SLC26A7: variants seen among roughly 807,000 people sequenced by gnomAD.
SLC26A7 encodes solute carrier family 26 member 7, also known as anion exchange transporter.
In SLC26A7, 59 loss-of-function variants were observed where a neutral mutation model predicts 82.5. That is an observed-to-expected ratio of 0.72 (90% CI 0.58 to 0.89). The LOEUF (loss-of-function observed/expected upper bound fraction) is 0.89, where lower values mean the gene tolerates loss of function less well. Among genes scored for constraint, SLC26A7 ranks in the 40% least tolerant of loss-of-function variants. The pLI is 0.00. For missense variants in SLC26A7, 820 were observed against 793.0 expected (o/e 1.03, Z -0.41); for synonymous variants, 271 against 274.3 (o/e 0.99, Z 0.12).
At chr8:91,360,314 TTGGGACTG>T (rs972931509) in intron 11 of SLC26A7, among the ~76,000 whole-genome samples, 6 of 152,138 alleles carry the variant, frequency 3.9e-5, no homozygotes, top group African/African-American at 1.4e-4. Flanking sequence ...AGTTTGTGTT[TTGGGACTG>T]TGAGTGCCAA....
At chr8:91,323,050 G>A (rs985649008) in intron 5 of SLC26A7, among the ~76,000 whole-genome samples, 4 of 152,164 alleles carry the variant, frequency 2.6e-5, no homozygotes, top group South Asian at 4.1e-4. Context: ...GGGTTTATAC[G>A]TGGAGAACAA....
rs1472005986 is a variant in SLC26A7 at position 91,226,842 on chromosome 8, A to T, written c.-34+7837A>T. ...GCAAGTGAATGAGTGAGTCCTATGG[A>T]TATAATGGATAGGAACCAGTTGAAT... On this transcript the variant is annotated intron_variant, in intron 2 of 5. Coordinates refer to the SLC26A7 transcript ENST00000522862. 3.9e-5 allele frequency among the ~76,000 whole-genome samples: 6 copies of T among 152,240 alleles called. No homozygotes were observed. The East Asian group carries it at 1.2e-3, about 29-fold the overall frequency.
At chr8:91,319,267 G>T (rs1019128549) in intron 5 of SLC26A7, among the ~76,000 whole-genome samples, 2 of 152,112 alleles carry the variant, frequency 1.3e-5, no homozygotes, top group Non-Finnish European at 2.9e-5. Flanking sequence ...AGTAGGATAA[G>T]TTCCTATGAT....
chr8:91,303,236 A>C (rs972819785), intron 4 of SLC26A7, among the ~76,000 whole-genome samples: 8 of 152,130 alleles, frequency 5.3e-5, no homozygotes, highest in Admixed American at 5.2e-4. Context: ...CACATAATAA[A>C]AGCCAATGCA....
At chr8:91,354,286 T>C (rs891000177) in intron 11 of SLC26A7, among the ~76,000 whole-genome samples, 10 of 152,202 alleles carry the variant, frequency 6.6e-5, no homozygotes, top group African/African-American at 1.9e-4. Flanking sequence ...AAGATTTCTA[T>C]TAGGAAGTTG....
intron 4 of SLC26A7, among the ~76,000 whole-genome samples, chr8:91,309,753 G>GTT (rs1426322573): frequency 1.3e-5 from 2 of 152,126 alleles, no homozygotes; most frequent in African/African-American, 4.8e-5. Context: ...TTGACTTGGG[G>GTT]TTTTATATGC....
chr8:91,257,242 G>A (rs985152149), intron 2 of SLC26A7, among the ~76,000 whole-genome samples: 6 of 152,106 alleles, frequency 3.9e-5, no homozygotes, highest in Non-Finnish European at 8.8e-5. Context: ...GAGCATCCAT[G>A]AATAATAGAT....
intron 9 of SLC26A7, among the ~76,000 whole-genome samples, chr8:91,348,689 A>G (rs1487492762): frequency 6.7e-6 from 1 of 149,404 alleles, no homozygotes. Context: ...CCTGAAACTT[A>G]TTAAGAAGGA....
At chr8:91,285,357 C>T (rs564002799) in intron 2 of SLC26A7, among the ~76,000 whole-genome samples, 32 of 152,374 alleles carry the variant, frequency 2.1e-4, no homozygotes, top group South Asian at 1.9e-3. Flanking sequence ...GGCGTTCACA[C>T]GCCTTCATTG....
chr8:91,230,357 A>G (rs1297536436), intron 2 of SLC26A7, among the ~76,000 whole-genome samples: 1 of 152,068 alleles, frequency 6.6e-6, no homozygotes, highest in Non-Finnish European at 1.5e-5. Context: ...AGCTTTTCTT[A>G]CCTCTTCTCT....
At chr8:91,387,161 A>G (rs1814823230) in intron 15 of SLC26A7, among the ~76,000 whole-genome samples, 1 of 152,188 alleles carries the variant, frequency 6.6e-6, no homozygotes, top group South Asian at 2.1e-4. Context: ...TGTTGATTAG[A>G]AGAAGTACTC....
Position 91,328,273 on chromosome 8 carries a change from A to T in SLC26A7, c.643-6022A>T, listed in dbSNP as rs550336238. Among the ~76,000 whole-genome samples the T allele has an allele frequency of 5.3e-5, 8 of 152,112 alleles. No homozygotes were observed. In the East Asian group the frequency reaches 1.5e-3, roughly 29 times the overall value. On this transcript the variant is annotated intron_variant, in intron 5 of 18. Coordinates refer to ENST00000276609, the MANE Select transcript of SLC26A7 (RefSeq NM_052832.4). ...ATTCAATAGCTATGGTCCCAGAGAG[A>T]TCTTTATTTATCTTTTCTTCACTAA...
intron 2 of SLC26A7, among the ~76,000 whole-genome samples, chr8:91,288,146 C>T (rs1028211827): frequency 3.9e-5 from 6 of 152,030 alleles, no homozygotes; most frequent in African/African-American, 1.4e-4. Flanking sequence ...GGTAAAAGCT[C>T]AACAGTAAAT....
intron 15 of SLC26A7, among the ~76,000 whole-genome samples, chr8:91,388,261 G>A (rs917977039): frequency 6.7e-6 from 1 of 150,304 alleles, no homozygotes; most frequent in Non-Finnish European, 1.5e-5. Context: ...CTCCCGAGCG[G>A]GATTTTTTTT....
intron 4 of SLC26A7, among the ~76,000 whole-genome samples, chr8:91,305,557 A>G (rs1293865335): frequency 6.6e-6 from 1 of 152,196 alleles, no homozygotes; most frequent in African/African-American, 2.4e-5. Flanking sequence ...TTAGACAAAT[A>G]TGAAACCAGA....
intron 2 of SLC26A7, among the ~76,000 whole-genome samples, chr8:91,260,113 C>G (rs1810920875): frequency 6.6e-6 from 1 of 151,996 alleles, no homozygotes; most frequent in Non-Finnish European, 1.5e-5. Context: ...AAAGAAATAC[C>G]TGAGACTGGG....
intron 4 of SLC26A7, among the ~76,000 whole-genome samples, chr8:91,303,221 A>G (rs923560673): frequency 6.6e-6 from 1 of 152,214 alleles, no homozygotes; most frequent in Non-Finnish European, 1.5e-5. Flanking sequence ...TGCTGGGGAC[A>G]CAAACACATA....
intron 4 of SLC26A7, among the ~76,000 whole-genome samples, chr8:91,306,020 A>T (rs1321229268): frequency 6.6e-6 from 1 of 152,118 alleles, no homozygotes; most frequent in East Asian, 1.9e-4. Context: ...ACTCCTGTAA[A>T]ACTCCCTTTT....
intron 5 of SLC26A7, among the ~76,000 whole-genome samples, chr8:91,333,554 C>T (rs1049904175): frequency 1.3e-5 from 2 of 152,070 alleles, no homozygotes; most frequent in Non-Finnish European, 2.9e-5. Context: ...CTGGCCAGTT[C>T]CCATTTATCT....
Sources: allele counts gnomAD v4.1 joint callset (sites outside exome capture counted in the v4.1 genomes callset), GRCh38; gene constraint gnomAD v4.1.1; transcripts MANE v1.5; gene names NCBI Gene and HGNC (gene_info 2026-07-23, HGNC 2026-07-21).